Variants in ZNF704 observed in about 807,000 individuals in gnomAD.
ZNF704 encodes glucocorticoid induced gene 1.
In ZNF704, 10 loss-of-function variants were observed where a neutral mutation model predicts 44.7. The observed-to-expected ratio is 0.22, with a 90% CI of 0.14 to 0.38. The LOEUF (loss-of-function observed/expected upper bound fraction) is 0.38, where lower values mean the gene tolerates loss of function less well. ZNF704 is among the 10% of genes least tolerant of loss of function. The pLI is 1.00. For synonymous variants in ZNF704, 211 were observed against 207.6 expected (o/e 1.02, Z -0.14); for missense variants, 390 against 545.5 (o/e 0.71, Z 2.84).
Position 80,799,014 on chromosome 8 carries a change from C to A in ZNF704, c.221+22360G>T, listed in dbSNP as rs375627604. 4.6e-5 allele frequency among the ~76,000 whole-genome samples: 7 copies of A among 152,250 alleles called. No individual in the cohort carries two copies. In the East Asian group the frequency reaches 7.7e-4, roughly 17 times the overall value. The stretch of plus-strand genomic sequence containing the variant: ...TGCTAGATCAGGTCTGTCTTCCTCT[C>A]CTTATAAAGCCATCAGTCCCACTCC... On this transcript the variant is annotated intron_variant, in intron 2 of 8. Coordinates refer to ENST00000327835, the MANE Select transcript of ZNF704 (RefSeq NM_001033723.3).
chr8:80,744,435 A>C (rs191863537), intron 2 of ZNF704, among the ~76,000 whole-genome samples: 21 of 152,314 alleles, frequency 1.4e-4, no homozygotes, highest in Admixed American at 1.2e-3. Context: ...ACAAAATGAA[A>C]TATGTCACAA....
intron 2 of ZNF704, among the ~76,000 whole-genome samples, chr8:80,702,442 G>T (rs1818824845): frequency 6.6e-6 from 1 of 152,298 alleles, no homozygotes; most frequent in East Asian, 1.9e-4. Context: ...CTGGAGAGGG[G>T]GTCTGATGGC....
intron 1 of ZNF704, among the ~76,000 whole-genome samples, 180 bp from the exon 2 acceptor site, chr8:80,821,795 C>A (rs947989436): frequency 2.0e-5 from 3 of 152,142 alleles, no homozygotes; most frequent in South Asian, 2.1e-4. Context: ...AATATACAAT[C>A]AATGCATCTG....
At chr8:80,844,988 T>C (rs1338910207) in intron 1 of ZNF704, among the ~76,000 whole-genome samples, 2 of 152,020 alleles carry the variant, frequency 1.3e-5, no homozygotes, top group East Asian at 1.9e-4. Flanking sequence ...CCTGGAATAT[T>C]TCCTGATTTT....
At chr8:80,844,573 A>C (rs1004774215) in intron 1 of ZNF704, among the ~76,000 whole-genome samples, 7 of 152,114 alleles carry the variant, frequency 4.6e-5, no homozygotes, top group African/African-American at 9.7e-5. Flanking sequence ...CTACCACAAC[A>C]ACCAGATAGG....
chr8:80,676,713 G>C (rs945130414), intron 4 of ZNF704, among the ~76,000 whole-genome samples: 5 of 152,244 alleles, frequency 3.3e-5, no homozygotes, highest in Admixed American at 6.5e-5. Context: ...TTTCATGGAA[G>C]GCAATTTTTC....
chr8:80,850,229 T>C (rs1035500389), intron 1 of ZNF704, among the ~76,000 whole-genome samples: 4 of 152,214 alleles, frequency 2.6e-5, no homozygotes, highest in Non-Finnish European at 5.9e-5. Context: ...ACCAGAAACT[T>C]GTCTTTTTTT....
At chr8:80,677,815 T>A (rs944740757) in intron 4 of ZNF704, among the ~76,000 whole-genome samples, 2 of 152,222 alleles carry the variant, frequency 1.3e-5, no homozygotes, top group Non-Finnish European at 2.9e-5. Context: ...GATATCTTAA[T>A]TTGTTTAAAT....
the ZNF704 span, among the ~76,000 whole-genome samples, chr8:80,881,710 C>T: frequency 6.6e-6 from 1 of 151,980 alleles, no homozygotes; most frequent in Non-Finnish European, 1.5e-5. Flanking sequence ...GGCAGATCAC[C>T]TGAGGTCAGG....
intron 2 of ZNF704, among the ~76,000 whole-genome samples, chr8:80,743,981 T>C (rs1392167805): frequency 2.0e-4 from 30 of 152,120 alleles, no homozygotes; most frequent in Admixed American, 1.9e-3. Flanking sequence ...GTAATTTTCA[T>C]AGCAAAACCC....
intron 2 of ZNF704, among the ~76,000 whole-genome samples, chr8:80,695,625 T>C (rs1032498721): frequency 1.3e-5 from 2 of 152,180 alleles, no homozygotes; most frequent in African/African-American, 4.8e-5. Flanking sequence ...ACACCTAAGG[T>C]GAACATTTTG....
intron 4 of ZNF704, among the ~76,000 whole-genome samples, chr8:80,682,296 T>C (rs1332284449): frequency 6.6e-6 from 1 of 152,256 alleles, no homozygotes. Flanking sequence ...TTTGCTACTG[T>C]ACAACTATTA....
chr8:80,727,214 G>A lies in ZNF704; in HGVS notation c.222-34107C>T, dbSNP rs147834133. Among the ~76,000 whole-genome samples the A allele has an allele frequency of 1.5e-3, 227 of 152,288 alleles. 1 individual carries two copies. Among genetic ancestry groups the A allele is most frequent in the African/African-American group, 5.3e-3 (219 of 41,566 alleles). On this transcript the variant is annotated intron_variant, in intron 2 of 8. Transcript: ENST00000327835. ...CAATACATATTATAATGAAAAGAAT[G>A]TGGGAAATCGCACACATTTCTCCCT... is the stretch of plus-strand genomic sequence containing the variant.
rs778292896 is a variant in ZNF704 at position 80,643,580 on chromosome 8, G to GACCA, written c.1033-455_1033-452dup. Among the ~76,000 whole-genome samples, 6 of 140,140 alleles carry GACCA rather than the reference G, an allele frequency of 4.3e-5. No homozygotes were observed. The East Asian group carries it at 1.3e-3, about 30-fold the overall frequency. 91.9% of individuals were successfully genotyped at this position (140,140 alleles called of 152,430 possible). ...TGAAATGAAATACTTTCCTCACAGA[G>GACCA]ACCACACATTAAATGGAGGAGGGCT... is the stretch of plus-strand genomic sequence containing the variant. On this transcript the variant is annotated intron_variant, in intron 7 of 8. Transcript: ENST00000327835.
intron 2 of ZNF704, among the ~76,000 whole-genome samples, chr8:80,728,722 G>C (rs955945281): frequency 6.6e-6 from 1 of 152,128 alleles, no homozygotes; most frequent in Non-Finnish European, 1.5e-5. Flanking sequence ...AACATGCTAT[G>C]GTAAAACCTG....
At chr8:80,878,683 A>C (rs1809390235), upstream of ZNF704, among the ~76,000 whole-genome samples, 1 of 152,246 alleles carries the variant, frequency 6.6e-6, no homozygotes, top group African/African-American at 2.4e-5. Context: ...CATCTATTAC[A>C]ACCTTCAGGC....
rs183821190 is a variant in ZNF704, at chr8:80,730,984, T to C, written c.222-37877A>G. Among the ~76,000 whole-genome samples, 7 of 152,316 alleles carry C rather than the reference T, an allele frequency of 4.6e-5. No individual in the cohort carries two copies. In the East Asian group the frequency reaches 1.3e-3, roughly 29 times the overall value. ...ATTTATATTTGAAGAAAAAGTTCAC[T>C]GGAGAATACTTTTAAATGAATGAGG... On this transcript the variant is annotated intron_variant, in intron 2 of 8. Coordinates refer to ENST00000327835, the MANE Select transcript of ZNF704 (RefSeq NM_001033723.3).
At chr8:80,726,880 G>A (rs1806491363) in intron 2 of ZNF704, among the ~76,000 whole-genome samples, 1 of 151,512 alleles carries the variant, frequency 6.6e-6, no homozygotes, top group South Asian at 2.1e-4. Context: ...TTCCTATAAT[G>A]GTTAATAAAG....
At chr8:80,772,088 C>G (rs892556370) in intron 2 of ZNF704, among the ~76,000 whole-genome samples, 1 of 151,996 alleles carries the variant, frequency 6.6e-6, no homozygotes, top group African/African-American at 2.4e-5. Flanking sequence ...CATGGAGTAC[C>G]ATTAATTTTA....
Sources: allele counts gnomAD v4.1 joint callset (sites outside exome capture counted in the v4.1 genomes callset), GRCh38; gene constraint gnomAD v4.1.1; transcripts MANE v1.5; gene names NCBI Gene and HGNC (gene_info 2026-07-23, HGNC 2026-07-21).